Variants in LRP1B observed in about 807,000 individuals in gnomAD.
The protein encoded by LRP1B is LDL receptor related protein 1B.
LRP1B carries 217 observed loss-of-function variants against 556.6 expected under a neutral mutation model. The observed-to-expected ratio is 0.39, with a 90% CI of 0.35 to 0.44. The LOEUF (loss-of-function observed/expected upper bound fraction) is 0.44. Ranked by LOEUF, LRP1B falls within the 20% of genes least tolerant of loss-of-function variation. The pLI is 1.00. For missense variants in LRP1B, 5,053 were observed against 5,620.8 expected, an observed-to-expected ratio of 0.90 and a Z score of 3.23; for synonymous variants, 2,047 against 1,865.8, an observed-to-expected ratio of 1.10 and a Z score of -2.50.
chr2:141,514,589 A>G (rs1487170325), intron 2 of LRP1B, among the ~76,000 whole-genome samples: 2 of 152,200 alleles, frequency 1.3e-5, no homozygotes, highest in African/African-American at 4.8e-5. Context: ...ATAACGGTAC[A>G]TGCAAGTACA....
intron 23 of LRP1B, among the ~76,000 whole-genome samples, chr2:140,890,356 T>C (rs928372974): frequency 9.9e-5 from 15 of 152,194 alleles, no homozygotes; most frequent in African/African-American, 3.6e-4. Flanking sequence ...AAATATTGGC[T>C]GTTGAATACA....
At position 141,822,126 on chromosome 2, in the gene LRP1B, C is replaced by CAGAGAGAGAG. The variant is rs1308046198; in HGVS notation, c.83-11726_83-11725insCTCTCTCTCT. 4.3e-3 allele frequency among the ~76,000 whole-genome samples: 496 copies of CAGAGAGAGAG among 114,320 alleles called. 1 individual carries two copies. Among genetic ancestry groups the CAGAGAGAGAG allele is most frequent in the South Asian group, 0.011 (36 of 3,150 alleles). The allele number at this position is 114,320 out of a possible 152,430, so 75.0% of individuals were successfully genotyped here. On this transcript the variant is annotated intron_variant, in intron 1 of 90. Transcript: ENST00000389484. The stretch of plus-strand genomic sequence containing the variant: ...ACACACACACACACACACACACACA[C>CAGAGAGAGAG]ACACAGAGAGAGAGAGAGAGAGAGA...
chr2:141,843,931 C>T (rs762600545), intron 1 of LRP1B, among the ~76,000 whole-genome samples: 6 of 152,040 alleles, frequency 3.9e-5, no homozygotes, highest in African/African-American at 1.4e-4. Flanking sequence ...TAACATCAGC[C>T]GGCAGGAATG....
chr2:140,274,299 T>G (rs1682580268), intron 85 of LRP1B, 125 bp downstream of exon 85: 1 of 779,814 alleles, frequency 1.3e-6, no homozygotes, highest in South Asian at 1.7e-5. Context: ...TCATAAAAAC[T>G]GCAATGGGCA....
chr2:140,727,495 G>A (rs771355396), intron 35 of LRP1B, among the ~76,000 whole-genome samples: 106 of 152,206 alleles, frequency 7.0e-4, no homozygotes, highest in Non-Finnish European at 5.3e-4. Context: ...CAAGGTCAGT[G>A]AAGGTCATCA....
At chr2:141,904,589 G>A (rs143964017) in intron 1 of LRP1B, among the ~76,000 whole-genome samples, 10 of 151,968 alleles carry the variant, frequency 6.6e-5, no homozygotes, top group South Asian at 4.1e-4. Context: ...TTTAAGAGAT[G>A]GGGTCCAGAC....
intron 7 of LRP1B, among the ~76,000 whole-genome samples, chr2:141,067,798 T>C (rs1699519576): frequency 2.6e-5 from 4 of 151,978 alleles, no homozygotes; most frequent in African/African-American, 9.7e-5. Flanking sequence ...AACTGCAAAG[T>C]ATGCGGTCCA....
At chr2:140,667,484 G>T (rs1176647227) in intron 41 of LRP1B, among the ~76,000 whole-genome samples, 1 of 152,106 alleles carries the variant, frequency 6.6e-6, no homozygotes, top group Non-Finnish European at 1.5e-5. Context: ...ATACACCTTG[G>T]ATAGTATTGT....
intron 77 of LRP1B, among the ~76,000 whole-genome samples, chr2:140,341,593 GA>G (rs974133186): frequency 4.0e-5 from 6 of 151,332 alleles, no homozygotes; most frequent in South Asian, 2.1e-4. Flanking sequence ...AAGGAAGACA[GA>G]AAAAAATAGC....
chr2:141,168,294 G>A (rs556516353), intron 7 of LRP1B, among the ~76,000 whole-genome samples: 2 of 152,112 alleles, frequency 1.3e-5, no homozygotes, highest in East Asian at 1.9e-4. Flanking sequence ...TGTAAATGAC[G>A]TGCATTAAAC....
At chr2:141,945,365 A>G (rs927953860) in intron 1 of LRP1B, among the ~76,000 whole-genome samples, 7 of 152,200 alleles carry the variant, frequency 4.6e-5, no homozygotes, top group African/African-American at 1.2e-4. Context: ...TTGTACACAT[A>G]GAGAATGGTT....
chr2:141,462,453 T>A (rs1348577984), intron 3 of LRP1B, among the ~76,000 whole-genome samples: 1 of 133,304 alleles, frequency 7.5e-6, no homozygotes, highest in African/African-American at 3.0e-5. Flanking sequence ...TGAAAACACA[T>A]GGACACAGGG....
intron 11 of LRP1B, among the ~76,000 whole-genome samples, chr2:141,029,260 G>C (rs1036803235): frequency 6.6e-6 from 1 of 152,070 alleles, no homozygotes; most frequent in African/African-American, 2.4e-5. Context: ...ACCCTTATGA[G>C]GTGATCATAC....
chr2:141,708,782 G>A (rs532581487), intron 2 of LRP1B, among the ~76,000 whole-genome samples: 1 of 152,192 alleles, frequency 6.6e-6, no homozygotes, highest in African/African-American at 2.4e-5. Context: ...ATCCGACCGT[G>A]TTGTTATAAG....
At chr2:141,424,920 A>T (rs56015516) in intron 3 of LRP1B, among the ~76,000 whole-genome samples, 69,346 of 151,358 alleles carry the variant, frequency 0.46, 15,962 homozygotes, top group East Asian at 0.6. Context: ...ATTTTTCTTT[A>T]TTATTATTAT....
At chr2:140,745,840 T>C (rs1162723196) in intron 35 of LRP1B, among the ~76,000 whole-genome samples, 3 of 152,218 alleles carry the variant, frequency 2.0e-5, no homozygotes, top group Non-Finnish European at 4.4e-5. Context: ...GATTATTATA[T>C]GGAGCTTGTC....
At chr2:141,393,954 T>C (rs1690149251) in intron 3 of LRP1B, among the ~76,000 whole-genome samples, 1 of 152,166 alleles carries the variant, frequency 6.6e-6, no homozygotes, top group Non-Finnish European at 1.5e-5. Context: ...TTTATCTTAT[T>C]TGATATACCT....
chr2:140,840,400 T>A (rs1165022535), intron 30 of LRP1B, among the ~76,000 whole-genome samples: 1 of 152,224 alleles, frequency 6.6e-6, no homozygotes, highest in African/African-American at 2.4e-5. Context: ...TCATCAAGAT[T>A]GAATCCTCTT....
intron 72 of LRP1B, among the ~76,000 whole-genome samples, chr2:140,364,115 A>C (rs980231408): frequency 6.6e-6 from 1 of 151,648 alleles, no homozygotes; most frequent in South Asian, 2.1e-4. Context: ...ACTTTTGTTA[A>C]GACTTTTTAA....
Sources: allele counts gnomAD v4.1 joint callset (sites outside exome capture counted in the v4.1 genomes callset), GRCh38; gene constraint gnomAD v4.1.1; transcripts MANE v1.5; gene names NCBI Gene and HGNC (gene_info 2026-07-23, HGNC 2026-07-21).